TENT2: variants seen among roughly 807,000 people sequenced by gnomAD.
The protein encoded by TENT2 is terminal nucleotidyltransferase 2.
In TENT2, 44 loss-of-function variants were observed where a neutral mutation model predicts 72.2. The observed-to-expected ratio is 0.61, with a 90% CI of 0.48 to 0.78. The LOEUF (loss-of-function observed/expected upper bound fraction) is 0.78. Ranked by LOEUF, TENT2 falls within the 30% of genes least tolerant of loss-of-function variation. TENT2 has a pLI of 0.00. For synonymous variants in TENT2, 212 were observed against 192.5 expected (o/e 1.10, Z -0.84); for missense variants, 541 against 569.6 (o/e 0.95, Z 0.51).
intron 4 of TENT2, among the ~76,000 whole-genome samples, chr5:79,629,286 T>C (rs1358986050): frequency 1.3e-5 from 2 of 152,196 alleles, no homozygotes; most frequent in African/African-American, 2.4e-5. Context: ...ATTGGTATTG[T>C]AGAAAAATGT....
In TENT2 at chr5:79,641,224, G is replaced by A. The variant is rs758200290; in HGVS notation, c.672+28G>A. 2.1e-5 allele frequency: 32 copies of A among 1,503,020 alleles called. No homozygotes were observed. The Middle Eastern group carries it at 1.0e-3, about 49-fold the overall frequency. The allele number at this position is 1,503,020 out of a possible 1,614,324, so 93.1% of individuals were successfully genotyped here. On this transcript the variant is annotated intron_variant, in intron 6 of 14. Coordinates refer to ENST00000453514, the MANE Select transcript of TENT2 (RefSeq NM_001114394.3). Reference sequence around the variant, plus strand: ...AAGTAAGGAAACATTTATTCCAAGTGTGTTTCTCATGTTAATGAGTTAAGA... The same window carrying A: ...AAGTAAGGAAACATTTATTCCAAGTATGTTTCTCATGTTAATGAGTTAAGA...
At chr5:79,643,686 CTGAATTATTCTG>C (rs1465458912) in intron 7 of TENT2, among the ~76,000 whole-genome samples, 3 of 152,104 alleles carry the variant, frequency 2.0e-5, no homozygotes, top group Non-Finnish European at 2.9e-5. Flanking sequence ...CTTCTGCATT[CTGAATTATTCTG>C]TAAAATAAAG....
intron 11 of TENT2, among the ~76,000 whole-genome samples, chr5:79,663,190 C>T (rs1804449343): frequency 6.6e-6 from 1 of 152,174 alleles, no homozygotes; most frequent in Non-Finnish European, 1.5e-5. Context: ...TAGGTTTTGG[C>T]TTAAAGAAGT....
intron 1 of TENT2, among the ~76,000 whole-genome samples, chr5:79,615,670 G>A (rs1338327540): frequency 6.6e-6 from 1 of 151,886 alleles, no homozygotes; most frequent in East Asian, 1.9e-4. Flanking sequence ...AGTGTTCGTT[G>A]CCAGTCTTGA....
At position 79,685,419 on chromosome 5, in the gene TENT2, T is replaced by C. The variant is rs1825742144; in HGVS notation, c.*146T>C. On this transcript the variant is annotated 3_prime_UTR_variant, in exon 15 of 15. Coordinates refer to ENST00000453514, the MANE Select transcript of TENT2 (RefSeq NM_001114394.3). ...TTTAAAAAGACATATAAAGATTGCA[T>C]ATTTTATTATGACATTTCCTAATAA... The C allele has an allele frequency of 4.0e-6, 2 of 503,304 alleles. No homozygotes were observed. The highest frequency in any genetic ancestry group is 6.7e-6 in the Non-Finnish European group (2 of 299,552). 31.2% of individuals were successfully genotyped at this position (503,304 alleles called of 1,614,324 possible).
At chr5:79,660,276 T>C (rs1222518739) in intron 11 of TENT2, among the ~76,000 whole-genome samples, 1 of 152,134 alleles carries the variant, frequency 6.6e-6, no homozygotes, top group Admixed American at 6.6e-5. Context: ...ACGTAGCTGA[T>C]GGAGGGGTAC....
intron 14 of TENT2, among the ~76,000 whole-genome samples, chr5:79,683,923 CAAAAAAAAAAAAA>C (rs761567083): frequency 1.9e-4 from 8 of 41,564 alleles, no homozygotes; most frequent in South Asian, 9.9e-4. Flanking sequence ...GACTCCGTCT[CAAAAAAAAAAAAA>C]AAAAAAAAAA....
At chr5:79,667,040 T>G (rs1808731683) in intron 11 of TENT2, among the ~76,000 whole-genome samples, 1 of 152,236 alleles carries the variant, frequency 6.6e-6, no homozygotes, top group Non-Finnish European at 1.5e-5. Context: ...AAGAGAAGAC[T>G]GGCCAAATTG....
At chr5:79,682,704 T>A (rs2150984471) in intron 14 of TENT2, among the ~76,000 whole-genome samples, 1 of 152,330 alleles carries the variant, frequency 6.6e-6, no homozygotes, top group South Asian at 2.1e-4. Context: ...AGGAAGCTGA[T>A]GTCTGATCCA....
At chr5:79,614,681 A>G (rs1442024288) in intron 1 of TENT2, among the ~76,000 whole-genome samples, 1 of 152,184 alleles carries the variant, frequency 6.6e-6, no homozygotes, top group African/African-American at 2.4e-5. Flanking sequence ...GCTAATCTCT[A>G]CTTAAGAAAC....
intron 11 of TENT2, among the ~76,000 whole-genome samples, chr5:79,659,429 AG>A (rs1418071781): frequency 6.9e-6 from 1 of 144,914 alleles, no homozygotes; most frequent in Non-Finnish European, 1.5e-5. Flanking sequence ...GCTACTCAGG[AG>A]GGTGAGGAGG....
intron 14 of TENT2, among the ~76,000 whole-genome samples, chr5:79,682,527 C>T (rs1209738446): frequency 1.3e-5 from 2 of 148,388 alleles, no homozygotes; most frequent in Non-Finnish European, 3.0e-5. Flanking sequence ...TCAGGTGATT[C>T]ACCCCCGTCT....
intron 4 of TENT2, among the ~76,000 whole-genome samples, chr5:79,626,326 G>A (rs1284645574): frequency 1.4e-5 from 1 of 70,754 alleles, no homozygotes; most frequent in Non-Finnish European, 2.8e-5. Context: ...TTTTTTTTTT[G>A]AGACGGAGTC....
chr5:79,622,121 T>C (rs1765554734), intron 3 of TENT2, among the ~76,000 whole-genome samples: 1 of 152,030 alleles, frequency 6.6e-6, no homozygotes, highest in Non-Finnish European at 1.5e-5. Flanking sequence ...GCCAACATGG[T>C]GAAACCCCAT....
At chr5:79,669,071 T>G in intron 12 of TENT2, 43 bp downstream of exon 12, 2 of 1,595,190 alleles carry the variant, frequency 1.3e-6, no homozygotes, top group Non-Finnish European at 1.7e-6. Context: ...TATATGTGTG[T>G]GTGTGTGTAT....
intron 4 of TENT2, among the ~76,000 whole-genome samples, chr5:79,634,897 A>G (rs576140863): frequency 2.0e-5 from 3 of 151,476 alleles, no homozygotes; most frequent in South Asian, 4.2e-4. Flanking sequence ...TACCCAGGCT[A>G]TTCTTGAACT....
chr5:79,658,639 A>G (rs1348855157), intron 11 of TENT2, among the ~76,000 whole-genome samples: 1 of 152,208 alleles, frequency 6.6e-6, no homozygotes, highest in African/African-American at 2.4e-5. Context: ...TATGTTCTTT[A>G]GCAAAGGAGC....
At chr5:79,616,247 G>A (rs1308363433) in intron 1 of TENT2, among the ~76,000 whole-genome samples, 15 of 136,498 alleles carry the variant, frequency 1.1e-4, no homozygotes, top group Admixed American at 8.3e-4. Context: ...TGCCCAGGCT[G>A]GAGTGCAATT....
intron 1 of TENT2, among the ~76,000 whole-genome samples, chr5:79,614,350 G>T (rs1308347304): frequency 6.6e-6 from 1 of 151,988 alleles, no homozygotes; most frequent in Non-Finnish European, 1.5e-5. Context: ...TGATCCATCC[G>T]CCTCGGCCTC....
Sources: allele counts gnomAD v4.1 joint callset (sites outside exome capture counted in the v4.1 genomes callset), GRCh38; gene constraint gnomAD v4.1.1; transcripts MANE v1.5; gene names NCBI Gene and HGNC (gene_info 2026-07-23, HGNC 2026-07-21).